The following SCAF8 variants were observed in gnomAD, a reference collection of about 807,000 sequenced individuals.
The protein encoded by SCAF8 is SR-related CTD associated factor 8.
SCAF8 carries 23 observed loss-of-function variants against 140.5 expected under a neutral mutation model. The observed-to-expected ratio is 0.16, with a 90% CI of 0.12 to 0.23. The LOEUF (loss-of-function observed/expected upper bound fraction) is 0.23, where lower values mean the gene tolerates loss of function less well. Among genes scored for constraint, SCAF8 ranks in the 10% least tolerant of loss-of-function variants. SCAF8 has a pLI of 1.00. For missense variants in SCAF8, 1,397 were observed against 1,555.7 expected (o/e 0.90, Z 1.72); for synonymous variants, 575 against 528.9 (o/e 1.09, Z -1.20).
At position 154,808,213 on chromosome 6, in the gene SCAF8, T is replaced by C; in HGVS notation, c.1113+12T>C. The C allele has an allele frequency of 6.2e-7, 1 of 1,610,806 alleles. No individual in the cohort carries two copies. ...ATATTCAGCAACAGGTAAAAGTAAATGTTTTTCTGGGTCATAAATTTCTAA... is the reference window on the plus strand; with the variant it reads ...ATATTCAGCAACAGGTAAAAGTAAACGTTTTTCTGGGTCATAAATTTCTAA... On this transcript the variant is annotated intron_variant, in intron 10 of 19. Transcript: ENST00000367178.
rs371292791 is a variant in SCAF8, at chr6:154,763,415, G to A, written c.31-10574G>A. Among the ~76,000 whole-genome samples, 66 of 152,268 alleles carry A rather than the reference G, an allele frequency of 4.3e-4. 2 individuals carry two copies. In the South Asian group the frequency reaches 9.9e-3, roughly 23 times the overall value. Reference sequence around the variant, plus strand: ...AGATGGACTGGGTTGATTACATTTAGTTATTTTAGGTTCACTCTTAAGGTT... The same window carrying A: ...AGATGGACTGGGTTGATTACATTTAATTATTTTAGGTTCACTCTTAAGGTT... On this transcript the variant is annotated intron_variant, in intron 1 of 19. Coordinates refer to ENST00000367178, the MANE Select transcript of SCAF8 (RefSeq NM_014892.5).
chr6:154,792,999 T>G, intron 5 of SCAF8, 23 bp downstream of exon 5: 8 of 1,575,484 alleles, frequency 5.1e-6, no homozygotes, highest in Non-Finnish European at 6.9e-6. Flanking sequence ...AATATAGATT[T>G]GTTGTCTAAA....
chr6:154,830,521 CCCTAGTA>C (rs1037649989), intron 18 of SCAF8, among the ~76,000 whole-genome samples: 1 of 151,914 alleles, frequency 6.6e-6, no homozygotes, highest in Non-Finnish European at 1.5e-5. Flanking sequence ...AATGTTAGGA[CCCTAGTA>C]CATTGTAATT....
chr6:154,824,252 G>A lies in SCAF8; in HGVS notation c.1945G>A (p.Val649Met), dbSNP rs141640322. 1.1e-5 allele frequency: 18 copies of A among 1,613,702 alleles called. No homozygotes were observed. In the East Asian group the frequency reaches 1.6e-4, roughly 14 times the overall value. ...AMLQIPVAPAVPTVSLVPPAF... is the reference protein window; with the variant it reads ...AMLQIPVAPAMPTVSLVPPAF... ...ACAAAAGATTCCAGTGGCGCCAGCC[G>A]TGCCTACAGTTAGTTTAGTCCCACC... Residue 649 changes from valine to methionine, a missense_variant, in exon 17 of 20, where the codon GTG (valine) becomes ATG (methionine). Around this residue, in one of 5 missense-constraint regions of SCAF8, gnomAD observed 930 missense variants for 874.6 expected, o/e 1.06. Coordinates refer to ENST00000367178, the MANE Select transcript of SCAF8 (RefSeq NM_014892.5).
Position 154,822,299 on chromosome 6 carries a change from G to C in SCAF8, c.1816G>C (p.Glu606Gln), listed in dbSNP as rs770270842. ...AGAGTGGGAAACTGTGAAAAGCTCA[G>C]AACCTGTTAAAGAGACGGTCCAGAC... ...NTEWETVKSS[E>Q]PVKETVQTTQ... is the part of the protein sequence containing the mutation. The change falls in exon 16 of 20, where the codon GAA (glutamate) becomes CAA (glutamine). Residue 606 changes from glutamate to glutamine, a missense_variant. By Grantham distance (29) the Glu-to-Gln change is conservative. Transcript: ENST00000367178. 7 of 1,612,592 alleles carry C rather than the reference G, an allele frequency of 4.3e-6. No individual in the cohort carries two copies. The highest frequency in any genetic ancestry group is 5.9e-6 in the Non-Finnish European group (7 of 1,179,252).
chr6:154,762,769 C>T (rs577962592), intron 1 of SCAF8, among the ~76,000 whole-genome samples: 5 of 152,198 alleles, frequency 3.3e-5, no homozygotes, highest in African/African-American at 9.6e-5. Context: ...CATATTATTT[C>T]TGATTATAAA....
intron 1 of SCAF8, among the ~76,000 whole-genome samples, chr6:154,750,402 A>C (rs1391278280): frequency 1.3e-5 from 2 of 151,870 alleles, no homozygotes; most frequent in East Asian, 3.9e-4. Context: ...AAAGAAGAGA[A>C]GCCAGCCTAG....
chr6:154,767,091 C>T (rs1283644600), intron 1 of SCAF8, among the ~76,000 whole-genome samples: 1 of 152,154 alleles, frequency 6.6e-6, no homozygotes, highest in Non-Finnish European at 1.5e-5. Flanking sequence ...CAGTCCCTTA[C>T]TGGCAAGGGT....
At chr6:154,791,208 A>G (rs934689786) in intron 4 of SCAF8, among the ~76,000 whole-genome samples, 3 of 152,224 alleles carry the variant, frequency 2.0e-5, no homozygotes, top group Non-Finnish European at 2.9e-5. Context: ...ACAACCAAGG[A>G]AGACATATAA....
chr6:154,734,172 T>C (rs1267441150), intron 1 of SCAF8, among the ~76,000 whole-genome samples: 8 of 152,098 alleles, frequency 5.3e-5, no homozygotes, highest in Non-Finnish European at 7.4e-5. Context: ...CGGCGTCCTA[T>C]GGAATGGCTG....
At chr6:154,761,389 G>C (rs1258685377) in intron 1 of SCAF8, among the ~76,000 whole-genome samples, 2 of 152,018 alleles carry the variant, frequency 1.3e-5, no homozygotes, top group African/African-American at 2.4e-5. Context: ...GGGAGGCTGA[G>C]GCAGGAGAAT....
chr6:154,745,842 G>T (rs1172665177), intron 1 of SCAF8, among the ~76,000 whole-genome samples: 1 of 151,748 alleles, frequency 6.6e-6, no homozygotes, highest in African/African-American at 2.4e-5. Context: ...TATATATATA[G>T]GTGTATATGC....
rs1184677459 is a variant in SCAF8, at chr6:154,798,759, C to CT, written c.607-3212_607-3211insT. 2.0e-5 allele frequency among the ~76,000 whole-genome samples: 3 copies of CT among 151,272 alleles called. 1 individual carries two copies. The highest frequency in any genetic ancestry group is 2.0e-4 in the Admixed American group (3 of 15,222). ...ATGCAACTCCTCTGCTCAGAATCCTCCAGTGGCTCCCTGTCTCACTCAGAG... is the reference window on the plus strand; with the variant it reads ...ATGCAACTCCTCTGCTCAGAATCCTCTCAGTGGCTCCCTGTCTCACTCAGAG... On this transcript the variant is annotated intron_variant, in intron 6 of 19. Coordinates refer to ENST00000367178, the MANE Select transcript of SCAF8 (RefSeq NM_014892.5).
intron 4 of SCAF8, among the ~76,000 whole-genome samples, chr6:154,790,344 T>C (rs746042417): frequency 2.6e-5 from 4 of 152,128 alleles, no homozygotes; most frequent in Non-Finnish European, 5.9e-5. Context: ...TGTGCTTCAT[T>C]TGAAATACAC....
At chr6:154,745,285 C>G (rs908901499) in intron 1 of SCAF8, among the ~76,000 whole-genome samples, 5 of 152,304 alleles carry the variant, frequency 3.3e-5, no homozygotes, top group Non-Finnish European at 5.9e-5. Context: ...CAGAAACACT[C>G]CAGGAGTAAT....
intron 15 of SCAF8, among the ~76,000 whole-genome samples, chr6:154,821,458 T>TG (rs1209224264): frequency 1.3e-5 from 2 of 152,020 alleles, no homozygotes; most frequent in Non-Finnish European, 2.9e-5. Flanking sequence ...TTATTATCTG[T>TG]GAAAAAAACA....
chr6:154,767,616 A>G (rs1776619881), intron 1 of SCAF8, among the ~76,000 whole-genome samples: 1 of 144,962 alleles, frequency 6.9e-6, no homozygotes, highest in South Asian at 2.1e-4. Context: ...CATAGCTCAC[A>G]GCAACCTGTG....
intron 14 of SCAF8, among the ~76,000 whole-genome samples, chr6:154,819,640 T>A (rs1166231347): frequency 1.3e-5 from 2 of 151,714 alleles, no homozygotes; most frequent in Non-Finnish European, 2.9e-5. Flanking sequence ...AGGTTGACAT[T>A]TTTATGGTGA....
Position 154,833,475 on chromosome 6 carries a change from T to A in SCAF8, c.*80T>A, listed in dbSNP as rs1295475915. On this transcript the variant is annotated 3_prime_UTR_variant, in exon 20 of 20. Transcript: ENST00000367178. ...AGATAATGGCTGACTGGACCATAGTTGTTCACTTTTGTCTGCCAGAATTAA... is the reference window on the plus strand; with the variant it reads ...AGATAATGGCTGACTGGACCATAGTAGTTCACTTTTGTCTGCCAGAATTAA... 3.0e-6 allele frequency: 4 copies of A among 1,343,034 alleles called. No individual in the cohort carries two copies. The highest frequency in any genetic ancestry group is 4.1e-6 in the Non-Finnish European group (4 of 979,224). The allele number at this position is 1,343,034 out of a possible 1,614,324, so 83.2% of individuals were successfully genotyped here.
Sources: gnomAD v4.1 joint callset for allele counts (sites outside exome capture counted in the v4.1 genomes callset) on GRCh38, gnomAD v4.1.1 for gene constraint, gnomAD v4.1.1 regional missense constraint, MANE v1.5 for transcripts, NCBI Gene and HGNC (gene_info 2026-07-23, HGNC 2026-07-21) for gene names.